PIAS2: variants seen among roughly 807,000 people sequenced by gnomAD.
PIAS2 encodes the protein protein inhibitor of activated STAT 2.
In PIAS2, 19 loss-of-function variants were observed where a neutral mutation model predicts 69.7. The observed-to-expected ratio is 0.27, with a 90% CI of 0.19 to 0.40. The LOEUF is 0.40. PIAS2 is among the 10% of genes least tolerant of loss of function. The pLI, the probability that PIAS2 is intolerant of heterozygous loss-of-function variation, is 1.00. For synonymous variants in PIAS2, 261 were observed against 263.2 expected (o/e 0.99, Z 0.08); for missense variants, 624 against 757.0 (o/e 0.82, Z 2.06).
chr18:46,807,526 G>A lies in PIAS2; in HGVS notation c.*4907C>T, dbSNP rs2040771681. ...CCTGCCTCGGTCTCCCAAGTAGCTGGGACTACAGGCGCCTGCCATCACACC... is the reference window on the plus strand; with the variant it reads ...CCTGCCTCGGTCTCCCAAGTAGCTGAGACTACAGGCGCCTGCCATCACACC... On this transcript the variant is annotated 3_prime_UTR_variant, in exon 14 of 14. Transcript: ENST00000585916. The A allele has an allele frequency of 6.7e-6, 1 of 148,992 alleles. No individual in the cohort carries two copies. The highest frequency in any genetic ancestry group is 2.5e-5 in the African/African-American group (1 of 40,098). The allele number at this position is 148,992 out of a possible 1,614,324, so 9.2% of individuals were successfully genotyped here. A position where few individuals can be genotyped will look rare whatever the true frequency, so the allele number is the denominator to read the frequency against.
In PIAS2 at chr18:46,811,299, C is replaced by T. The variant is rs988864397; in HGVS notation, c.*1134G>A. On this transcript the variant is annotated 3_prime_UTR_variant, in exon 14 of 14. Coordinates refer to ENST00000585916, the MANE Select transcript of PIAS2 (RefSeq NM_004671.5). ...AAAAAATCTAATGCTGTCCCTTTCCCTAAGTTTGAAAATCACTGCTGAGAC... is the reference window on the plus strand; with the variant it reads ...AAAAAATCTAATGCTGTCCCTTTCCTTAAGTTTGAAAATCACTGCTGAGAC... The T allele has an allele frequency of 6.6e-6, 1 of 151,776 alleles. No individual in the cohort carries two copies. The highest frequency in any genetic ancestry group is 6.6e-5 in the Admixed American group (1 of 15,224). 9.4% of individuals were successfully genotyped at this position (151,776 alleles called of 1,614,324 possible). A position where few individuals can be genotyped will look rare whatever the true frequency, so the allele number is the denominator to read the frequency against.
At chr18:46,912,932 G>A (rs975110456) in intron 1 of PIAS2, among the ~76,000 whole-genome samples, 4 of 152,104 alleles carry the variant, frequency 2.6e-5, no homozygotes, top group Admixed American at 1.3e-4. Context: ...TGATCCACCC[G>A]CCCCAGGCTC....
chr18:46,876,697 AT>A (rs57650764), intron 2 of PIAS2, among the ~76,000 whole-genome samples: 5,422 of 142,842 alleles, frequency 0.038, 118 homozygotes, highest in African/African-American at 0.067. Flanking sequence ...CCCTTTACTA[AT>A]TTTTTTTTTT....
At chr18:46,896,547 A>G (rs934882196) in intron 1 of PIAS2, among the ~76,000 whole-genome samples, 1 of 152,260 alleles carries the variant, frequency 6.6e-6, no homozygotes, top group Non-Finnish European at 1.5e-5. Context: ...CATACGTGTT[A>G]GAAGACAAAT....
At chr18:46,890,193 G>C (rs916220290) in intron 2 of PIAS2, among the ~76,000 whole-genome samples, 1 of 152,312 alleles carries the variant, frequency 6.6e-6, no homozygotes, top group African/African-American at 2.4e-5. Context: ...GGGAGAGGAG[G>C]AGAGGAAGGC....
intron 8 of PIAS2, among the ~76,000 whole-genome samples, chr18:46,841,336 C>A (rs1284938222): frequency 6.6e-6 from 1 of 152,124 alleles, no homozygotes. Context: ...ATCATTTTCT[C>A]TTGTTTTTGC....
At chr18:46,820,491 A>G (rs530644083) in intron 12 of PIAS2, among the ~76,000 whole-genome samples, 2 of 152,252 alleles carry the variant, frequency 1.3e-5, no homozygotes, top group South Asian at 2.1e-4. Context: ...CTCTAGGGAA[A>G]CAGATGGTAG....
At chr18:46,839,161 T>G (rs188128927) in intron 8 of PIAS2, among the ~76,000 whole-genome samples, 16 of 152,292 alleles carry the variant, frequency 1.1e-4, no homozygotes, top group African/African-American at 3.6e-4. Flanking sequence ...ACACAATCAC[T>G]GTGTGGAAAC....
At chr18:46,822,242 A>T (rs1358089717) in intron 11 of PIAS2, among the ~76,000 whole-genome samples, 1 of 152,216 alleles carries the variant, frequency 6.6e-6, no homozygotes, top group Non-Finnish European at 1.5e-5. Context: ...GAAAACAGTC[A>T]TCTTGAGAGT....
At chr18:46,891,193 T>C in intron 1 of PIAS2, 139 bp from the exon 2 acceptor site, 1 of 692,498 alleles carries the variant, frequency 1.4e-6, no homozygotes, top group South Asian at 1.6e-5. Context: ...ACATACCACT[T>C]AGAATCATTA....
intron 2 of PIAS2, among the ~76,000 whole-genome samples, chr18:46,866,671 G>A (rs2049522782): frequency 6.6e-6 from 1 of 152,166 alleles, no homozygotes; most frequent in Non-Finnish European, 1.5e-5. Context: ...TGATGGCATT[G>A]AAAGGCAGGA....
chr18:46,815,925 T>C, intron 12 of PIAS2: 1 of 985,422 alleles, frequency 1.0e-6, no homozygotes. Flanking sequence ...TGAGCTAATG[T>C]AATTTTCTGA....
chr18:46,814,399 G>A (rs1244225955), intron 13 of PIAS2, among the ~76,000 whole-genome samples: 1 of 152,072 alleles, frequency 6.6e-6, no homozygotes, highest in African/African-American at 2.4e-5. Context: ...CCTCACATCT[G>A]AAGAATCCAT....
At chr18:46,886,736 C>G (rs1267840258) in intron 2 of PIAS2, among the ~76,000 whole-genome samples, 1 of 152,010 alleles carries the variant, frequency 6.6e-6, no homozygotes, top group Non-Finnish European at 1.5e-5. Flanking sequence ...ACTCGGGAGG[C>G]TGAGAGAGGA....
chr18:46,901,174 T>G, intron 1 of PIAS2: 1 of 338,570 alleles, frequency 3.0e-6, no homozygotes, highest in Non-Finnish European at 5.8e-6. Context: ...TCTCAGCACT[T>G]TGGGAGGCCA....
intron 1 of PIAS2, among the ~76,000 whole-genome samples, chr18:46,913,100 A>G (rs929519803): frequency 2.0e-5 from 3 of 152,198 alleles, no homozygotes; most frequent in Non-Finnish European, 4.4e-5. Flanking sequence ...CATATGGAAG[A>G]TTCTGTTATA....
At chr18:46,884,880 G>A (rs1483109388) in intron 2 of PIAS2, among the ~76,000 whole-genome samples, 1 of 151,352 alleles carries the variant, frequency 6.6e-6, no homozygotes, top group Admixed American at 6.6e-5. Context: ...CCGTGCCATT[G>A]CACTCTAGCC....
intron 12 of PIAS2, chr18:46,818,443 T>C: frequency 6.3e-7 from 1 of 1,575,140 alleles, no homozygotes; most frequent in Non-Finnish European, 8.6e-7. Context: ...TTCTTCTTTG[T>C]TCTCCTGCAG....
At chr18:46,815,709 A>G (rs935543486) in intron 12 of PIAS2, 1 of 1,008,194 alleles carries the variant, frequency 9.9e-7, no homozygotes, top group South Asian at 4.3e-5. Flanking sequence ...AAAAAAACAT[A>G]CTTAAGCTCT....
Sources: gnomAD v4.1 joint callset for allele counts (sites outside exome capture counted in the v4.1 genomes callset) on GRCh38, gnomAD v4.1.1 for gene constraint, MANE v1.5 for transcripts, NCBI Gene and HGNC (gene_info 2026-07-23, HGNC 2026-07-21) for gene names.